TTC7B: variants seen among roughly 807,000 people sequenced by gnomAD.
The protein encoded by TTC7B is tetratricopeptide repeat domain 7B.
A neutral mutation model predicts 106.8 loss-of-function variants in TTC7B; 28 were observed. That is an observed-to-expected ratio of 0.26 (90% CI 0.19 to 0.36). TTC7B has a LOEUF of 0.36. TTC7B is among the 10% of genes least tolerant of loss of function. TTC7B has a pLI of 1.00. For missense variants in TTC7B, 862 were observed against 1,076.4 expected (o/e 0.80, Z 2.79); for synonymous variants, 405 against 430.6 (o/e 0.94, Z 0.74).
intron 5 of TTC7B, among the ~76,000 whole-genome samples, chr14:90,726,944 G>C (rs970013353): frequency 1.3e-5 from 2 of 152,126 alleles, no homozygotes; most frequent in South Asian, 2.1e-4. Flanking sequence ...GGGAGGTGGA[G>C]GAAGTTACCG....
intron 2 of TTC7B, among the ~76,000 whole-genome samples, chr14:90,782,744 C>G (rs1337603104): frequency 6.6e-6 from 1 of 151,992 alleles, no homozygotes; most frequent in African/African-American, 2.4e-5. Flanking sequence ...GGATTAAAGG[C>G]GAATTGAAAG....
At chr14:90,649,928 A>G (rs1432005800) in intron 13 of TTC7B, among the ~76,000 whole-genome samples, 1 of 151,550 alleles carries the variant, frequency 6.6e-6, no homozygotes, top group African/African-American at 2.4e-5. Flanking sequence ...CCAGAGGGAG[A>G]GACCCAGAAT....
intron 2 of TTC7B, among the ~76,000 whole-genome samples, chr14:90,782,943 A>G (rs1182020155): frequency 6.6e-6 from 1 of 152,116 alleles, no homozygotes; most frequent in African/African-American, 2.4e-5. Flanking sequence ...TTTTACCAAA[A>G]GGGAAAAAAA....
At chr14:90,648,652 ACTAAATGGC>A (rs1885578858) in intron 13 of TTC7B, 3 of 152,234 alleles carry the variant, frequency 2.0e-5, no homozygotes. Context: ...ACGCCCAGCT[ACTAAATGGC>A]TTATTTCTAA....
At chr14:90,779,755 C>T (rs966647643) in intron 3 of TTC7B, among the ~76,000 whole-genome samples, 6 of 152,240 alleles carry the variant, frequency 3.9e-5, no homozygotes, top group East Asian at 1.9e-4. Flanking sequence ...CAGCTTGGAA[C>T]GGTCCGATCA....
At chr14:90,579,312 T>C (rs985312805) in intron 18 of TTC7B, among the ~76,000 whole-genome samples, 3 of 152,224 alleles carry the variant, frequency 2.0e-5, no homozygotes, top group Non-Finnish European at 4.4e-5. Flanking sequence ...TCGGGGCTCA[T>C]GGACCCCTTC....
At chr14:90,626,833 G>C (rs770095158) in intron 15 of TTC7B, among the ~76,000 whole-genome samples, 2 of 152,174 alleles carry the variant, frequency 1.3e-5, no homozygotes, top group East Asian at 1.9e-4. Flanking sequence ...AGTGACGGGG[G>C]GTTTAAAGAG....
chr14:90,776,298 G>A (rs776930427), intron 3 of TTC7B, among the ~76,000 whole-genome samples: 7 of 152,118 alleles, frequency 4.6e-5, no homozygotes, highest in East Asian at 1.9e-4. Flanking sequence ...GAAGAAACTC[G>A]AAATTGGTGA....
chr14:90,733,891 T>G (rs1207756869), intron 4 of TTC7B, among the ~76,000 whole-genome samples: 1 of 152,214 alleles, frequency 6.6e-6, no homozygotes, highest in Non-Finnish European at 1.5e-5. Context: ...AATGAGAAAC[T>G]TCACTTCATG....
chr14:90,640,427 C>A (rs536886616), intron 15 of TTC7B, among the ~76,000 whole-genome samples: 1 of 151,984 alleles, frequency 6.6e-6, no homozygotes, highest in East Asian at 1.9e-4. Context: ...CAATATTACA[C>A]GAAAAATCCA....
At chr14:90,737,059 C>G (rs1282435309) in intron 4 of TTC7B, among the ~76,000 whole-genome samples, 1 of 151,842 alleles carries the variant, frequency 6.6e-6, no homozygotes, top group Non-Finnish European at 1.5e-5. Flanking sequence ...CAACTATATA[C>G]AGATTCAAAA....
intron 14 of TTC7B, among the ~76,000 whole-genome samples, chr14:90,645,566 C>A (rs73326854): frequency 6.6e-6 from 1 of 152,164 alleles, no homozygotes; most frequent in South Asian, 2.1e-4. Context: ...AAGGCTGCTG[C>A]CACACCCACA....
Position 90,624,338 on chromosome 14 carries a change from CT to C in TTC7B, c.1752-6294del, listed in dbSNP as rs1332218495. 6.6e-6 allele frequency among the ~76,000 whole-genome samples: 1 copy of C among 152,172 alleles called. No individual in the cohort carries two copies. Among genetic ancestry groups the C allele is most frequent in the Non-Finnish European group, 1.5e-5 (1 of 68,026 alleles). Reference sequence around the variant, plus strand: ...GCTTAGAAAGAAGACACAACTGCCCCTGGGGAAGCTCTGGGGCACGCGGCAT... The same window carrying C: ...GCTTAGAAAGAAGACACAACTGCCCCGGGGAAGCTCTGGGGCACGCGGCAT... On this transcript the variant is annotated intron_variant, in intron 15 of 19. Coordinates refer to ENST00000328459, the MANE Select transcript of TTC7B (RefSeq NM_001010854.2). This position sits in a 1 kb window ranked among gnomAD's most constrained non-coding sequence, Gnocchi z 4.0.
chr14:90,731,872 T>C (rs79037248), intron 4 of TTC7B, among the ~76,000 whole-genome samples: 1 of 152,182 alleles, frequency 6.6e-6, no homozygotes, highest in South Asian at 2.1e-4. Context: ...CATATCCAAC[T>C]GCTGCACTTG....
Position 90,603,381 on chromosome 14 carries a change from C to T in TTC7B, c.1966+7361G>A, listed in dbSNP as rs1389392022. 4.4e-5 allele frequency: 45 copies of T among 1,017,820 alleles called. No individual in the cohort carries two copies. In the Middle Eastern group the frequency reaches 1.3e-3, roughly 30 times the overall value. 63.0% of individuals were successfully genotyped at this position (1,017,820 alleles called of 1,614,324 possible). A position where few individuals can be genotyped will look rare whatever the true frequency, so the allele number is the denominator to read the frequency against. ...AAAATCAAAATTAAGACTAAAAAAG[C>T]GAACAGAGTTCTAATAACCTTCCAA... On this transcript the variant is annotated intron_variant, in intron 17 of 19. Coordinates refer to ENST00000328459, the MANE Select transcript of TTC7B (RefSeq NM_001010854.2).
intron 16 of TTC7B, among the ~76,000 whole-genome samples, chr14:90,616,687 C>T (rs1035985864): frequency 6.6e-6 from 1 of 152,170 alleles, no homozygotes; most frequent in Admixed American, 6.5e-5. Flanking sequence ...TGACTTTGAA[C>T]ATTTTTTTTT....
intron 1 of TTC7B, among the ~76,000 whole-genome samples, chr14:90,804,397 G>A (rs938634292): frequency 2.0e-5 from 3 of 152,140 alleles, no homozygotes; most frequent in South Asian, 2.1e-4. Flanking sequence ...GTCTGTGGGT[G>A]GACAAGTGGC....
intron 18 of TTC7B, chr14:90,585,483 CTG>C (rs1343514649): frequency 6.6e-6 from 1 of 152,474 alleles, no homozygotes; most frequent in Non-Finnish European, 1.5e-5. Context: ...TCCATCCACT[CTG>C]TGTCTCTTCT....
At chr14:90,662,761 C>A (rs934292971) in intron 9 of TTC7B, among the ~76,000 whole-genome samples, 3 of 152,266 alleles carry the variant, frequency 2.0e-5, no homozygotes, top group African/African-American at 7.2e-5. Context: ...CAGAAACAGG[C>A]TAGTGAGTAC....
Sources: gnomAD v4.1 joint callset for allele counts (sites outside exome capture counted in the v4.1 genomes callset) on GRCh38, gnomAD v4.1.1 for gene constraint, Gnocchi (gnomAD v3.1) non-coding constraint, MANE v1.5 for transcripts, NCBI Gene and HGNC (gene_info 2026-07-23, HGNC 2026-07-21) for gene names.